The following GRID1 variants were observed in gnomAD, a reference collection of about 807,000 sequenced individuals.
GRID1 encodes the protein glutamate ionotropic receptor delta type subunit 1.
Under a neutral mutation model 98.0 loss-of-function variants are expected in GRID1, and 28 were observed. The observed-to-expected ratio is 0.29, with a 90% CI of 0.21 to 0.39. GRID1 has a LOEUF of 0.39. GRID1 is among the 10% of genes least tolerant of loss of function. The pLI, the probability that GRID1 is intolerant of heterozygous loss-of-function variation, is 1.00. For synonymous variants in GRID1, 553 were observed against 538.5 expected (o/e 1.03, Z -0.37); for missense variants, 1,111 against 1,340.5 (o/e 0.83, Z 2.67).
At chr10:86,164,134 T>G (rs1020359241) in intron 3 of GRID1, among the ~76,000 whole-genome samples, 2 of 152,194 alleles carry the variant, frequency 1.3e-5, no homozygotes. Flanking sequence ...GTGAGCTCAG[T>G]GAATAGATTA....
At chr10:85,736,210 A>AAGAAGGAGGGAAGGAAGGAG in intron 8 of GRID1, among the ~76,000 whole-genome samples, 1 of 135,966 alleles carries the variant, frequency 7.4e-6, no homozygotes, top group Admixed American at 7.3e-5. Flanking sequence ...GAAGGAAGCA[A>AAGAAGGAGGGAAGGAAGGAG]AGAAGGAGGG....
intron 4 of GRID1, among the ~76,000 whole-genome samples, chr10:86,132,179 C>A (rs148237449): frequency 3.2e-4 from 48 of 152,064 alleles, no homozygotes; most frequent in African/African-American, 1.1e-3. Context: ...GAGCTCACAG[C>A]AGCTTCCCCA....
chr10:86,010,332 GC>G (rs147312868), intron 4 of GRID1, among the ~76,000 whole-genome samples: 1,746 of 152,206 alleles, frequency 0.011, 41 homozygotes, highest in African/African-American at 0.04. Flanking sequence ...ACAAACACAT[GC>G]CCATTTTCTT....
intron 2 of GRID1, among the ~76,000 whole-genome samples, chr10:86,212,739 G>A (rs1846124286): frequency 6.6e-6 from 1 of 152,172 alleles, no homozygotes; most frequent in Admixed American, 6.5e-5. Flanking sequence ...GAATTCCAAT[G>A]GCTAATGCTT....
intron 8 of GRID1, among the ~76,000 whole-genome samples, chr10:85,825,163 T>G (rs1564601995): frequency 6.6e-6 from 1 of 152,202 alleles, no homozygotes; most frequent in Non-Finnish European, 1.5e-5. Context: ...CCACCAGCAG[T>G]GTGTGTTTCC....
chr10:85,602,326 G>A lies in GRID1; in HGVS notation c.2977C>T (p.Pro993Ser). ...TPIPMSFQPV[P>S]GGVLPEALDT... ...AGAGCCTCTGGAAGGACGCCTCCAG[G>A]CACGGGCTGGAAGGACATGGGGATG... The change falls in exon 16 of 16, where the codon CCT (proline) becomes TCT (serine). Residue 993 changes from proline to serine, a missense_variant. Pro to Ser is a moderately conservative substitution (Grantham distance 74). Transcript: ENST00000327946. The A allele has an allele frequency of 6.4e-7, 1 of 1,558,192 alleles. No homozygotes were observed. Among genetic ancestry groups the A allele is most frequent in the Non-Finnish European group, 8.7e-7 (1 of 1,150,714 alleles).
chr10:85,674,537 G>T (rs940634802), intron 12 of GRID1, among the ~76,000 whole-genome samples: 1 of 152,118 alleles, frequency 6.6e-6, no homozygotes, highest in Non-Finnish European at 1.5e-5. Flanking sequence ...TGATCAAGAT[G>T]ACTATCCTAT....
chr10:86,286,522 G>A (rs1847434538), intron 2 of GRID1, among the ~76,000 whole-genome samples: 1 of 152,230 alleles, frequency 6.6e-6, no homozygotes, highest in Non-Finnish European at 1.5e-5. Context: ...GAGGCCACGA[G>A]AAGCCAGGCA....
chr10:85,711,701 A>G (rs1841583401), intron 12 of GRID1, among the ~76,000 whole-genome samples: 1 of 151,896 alleles, frequency 6.6e-6, no homozygotes, highest in Non-Finnish European at 1.5e-5. Flanking sequence ...TAATACCTAA[A>G]GTTGTTCTTA....
chr10:85,758,200 A>G (rs1432782273), intron 8 of GRID1, among the ~76,000 whole-genome samples: 1 of 152,202 alleles, frequency 6.6e-6, no homozygotes, highest in Non-Finnish European at 1.5e-5. Context: ...ATCTATAACC[A>G]TTTTAATTAT....
At chr10:86,255,417 G>A (rs1316788) in intron 2 of GRID1, among the ~76,000 whole-genome samples, 118,032 of 152,086 alleles carry the variant, frequency 0.78, 46,608 homozygotes, top group Non-Finnish European at 0.83. Context: ...TTAGAGAAGC[G>A]CACTAAGGCC....
intron 12 of GRID1, among the ~76,000 whole-genome samples, chr10:85,708,200 C>T (rs539612205): frequency 6.6e-5 from 10 of 150,568 alleles, no homozygotes; most frequent in African/African-American, 1.2e-4. Context: ...GTCAGGAGAT[C>T]GAGACCAACC....
chr10:85,706,828 C>G (rs886341209), intron 12 of GRID1, among the ~76,000 whole-genome samples: 4 of 152,196 alleles, frequency 2.6e-5, no homozygotes, highest in Non-Finnish European at 4.4e-5. Context: ...ACTGTCTGAT[C>G]TTTGACAAAC....
intron 4 of GRID1, among the ~76,000 whole-genome samples, chr10:86,077,821 C>T (rs1277767763): frequency 4.6e-5 from 7 of 152,232 alleles, no homozygotes; most frequent in Non-Finnish European, 1.0e-4. Flanking sequence ...AAAAACTCAA[C>T]CTCAGCCCCA....
intron 4 of GRID1, among the ~76,000 whole-genome samples, chr10:86,130,756 C>A (rs927474982): frequency 2.0e-5 from 3 of 152,206 alleles, no homozygotes; most frequent in African/African-American, 7.2e-5. Flanking sequence ...AGACAAGGAT[C>A]TGAGTACCAA....
intron 3 of GRID1, among the ~76,000 whole-genome samples, chr10:86,179,581 G>A (rs1200895558): frequency 6.6e-6 from 1 of 152,082 alleles, no homozygotes; most frequent in Non-Finnish European, 1.5e-5. Context: ...ACAGTTTGTG[G>A]GGCCTCAAGT....
At chr10:86,346,140 A>G (rs559826790) in intron 2 of GRID1, among the ~76,000 whole-genome samples, 1 of 152,276 alleles carries the variant, frequency 6.6e-6, no homozygotes, top group South Asian at 2.1e-4. Flanking sequence ...TAGTGGCCAT[A>G]GTATGCAGAG....
Position 86,007,790 on chromosome 10 carries a change from C to A in GRID1, c.727-91551G>T, listed in dbSNP as rs566958489. On this transcript the variant is annotated intron_variant, in intron 4 of 15. Transcript: ENST00000327946. ...AGGACCCCAGTTTCTAAGTGAAGTG[C>A]CTCAGTTTTGTTTTTTTTGTTTTTT... is the stretch of plus-strand genomic sequence containing the variant. Among the ~76,000 whole-genome samples, 111 of 151,588 alleles carry A rather than the reference C, an allele frequency of 7.3e-4. No homozygotes were observed. In the Middle Eastern group the frequency reaches 0.01, roughly 14 times the overall value.
At chr10:85,725,866 C>T (rs1320911777) in intron 10 of GRID1, among the ~76,000 whole-genome samples, 4 of 152,198 alleles carry the variant, frequency 2.6e-5, no homozygotes, top group Non-Finnish European at 5.9e-5. Context: ...TTACACTTGT[C>T]ACACTGGCAT....
Sources: gnomAD v4.1 joint callset for allele counts (sites outside exome capture counted in the v4.1 genomes callset) on GRCh38, gnomAD v4.1.1 for gene constraint, MANE v1.5 for transcripts, NCBI Gene and HGNC (gene_info 2026-07-23, HGNC 2026-07-21) for gene names.